CAMSAP1: variants seen among roughly 807,000 people sequenced by gnomAD.
The protein encoded by CAMSAP1 is calmodulin-regulated spectrin-associated protein 1.
A neutral mutation model predicts 143.5 loss-of-function variants in CAMSAP1; 58 were observed. The ratio of observed to expected loss-of-function variants is 0.40; its 90% CI spans 0.33 to 0.50. CAMSAP1 has a LOEUF of 0.50. CAMSAP1 is among the 20% of genes least tolerant of loss of function. The pLI is 0.45. For synonymous variants in CAMSAP1, 945 were observed against 859.3 expected, an observed-to-expected ratio of 1.10 and a Z score of -1.74; for missense variants, 1,969 against 2,115.7, an observed-to-expected ratio of 0.93 and a Z score of 1.36.
chr9:135,837,096 CATT>C (rs1419505525), intron 7 of CAMSAP1, among the ~76,000 whole-genome samples: 12 of 150,696 alleles, frequency 8.0e-5, no homozygotes. Flanking sequence ...ACTTTCTACC[CATT>C]CCAGAGACAC....
intron 7 of CAMSAP1, among the ~76,000 whole-genome samples, chr9:135,833,958 C>G (rs1041110410): frequency 5.3e-5 from 8 of 152,124 alleles, no homozygotes; most frequent in African/African-American, 1.7e-4. Context: ...GCAACTCAAT[C>G]GCAAAAATAC....
chr9:135,811,643 A>T lies in CAMSAP1; in HGVS notation c.4507-32T>A. 6.4e-7 allele frequency: 1 copy of T among 1,553,466 alleles called. No homozygotes were observed. On this transcript the variant is annotated intron_variant, in intron 16 of 16. Coordinates refer to ENST00000389532, the MANE Select transcript of CAMSAP1 (RefSeq NM_015447.4). This position sits in a 1 kb window ranked among gnomAD's most constrained non-coding sequence, Gnocchi z 4.9. Reference sequence around the variant, plus strand: ...AGAGAGAGAAAAGGGGAAGAGACAAACACTTCAGGGCCACTCCAATTGCCA... The same window carrying T: ...AGAGAGAGAAAAGGGGAAGAGACAATCACTTCAGGGCCACTCCAATTGCCA...
intron 1 of CAMSAP1, among the ~76,000 whole-genome samples, chr9:135,898,148 G>A (rs559399090): frequency 1.8e-4 from 28 of 152,256 alleles, no homozygotes; most frequent in African/African-American, 6.0e-4. Flanking sequence ...GGAAGCAGAA[G>A]GGAAGGAGAC....
chr9:135,813,852 C>A (rs1422420964), intron 16 of CAMSAP1, among the ~76,000 whole-genome samples: 1 of 152,234 alleles, frequency 6.6e-6, no homozygotes, highest in African/African-American at 2.4e-5. Context: ...GAGCTCAGGG[C>A]ATCCAGTCTC....
chr9:135,823,368 T>C (rs1588447222), intron 10 of CAMSAP1, 108 bp from the exon 11 acceptor site: 2 of 1,218,374 alleles, frequency 1.6e-6, no homozygotes, highest in Non-Finnish European at 1.1e-6. Flanking sequence ...ACGCCTCTCA[T>C]ATGCAGGAGA....
chr9:135,892,670 G>A (rs1253454187), intron 1 of CAMSAP1, among the ~76,000 whole-genome samples: 1 of 151,804 alleles, frequency 6.6e-6, no homozygotes, highest in Admixed American at 6.6e-5. Flanking sequence ...GGCCAACGTG[G>A]TGAAACCCCG....
At chr9:135,840,783 C>A (rs991742253) in intron 7 of CAMSAP1, among the ~76,000 whole-genome samples, 1 of 152,154 alleles carries the variant, frequency 6.6e-6, no homozygotes, top group Non-Finnish European at 1.5e-5. Context: ...CTCTTCCAGC[C>A]AAGGGAAGCC....
intron 16 of CAMSAP1, among the ~76,000 whole-genome samples, chr9:135,812,382 G>A (rs1343612061): frequency 6.6e-6 from 1 of 152,162 alleles, no homozygotes; most frequent in Non-Finnish European, 1.5e-5. Context: ...AAACCTCAGA[G>A]CATCACGCTA....
intron 1 of CAMSAP1, among the ~76,000 whole-genome samples, chr9:135,900,732 A>G (rs958702793): frequency 6.6e-6 from 1 of 151,936 alleles, no homozygotes; most frequent in Non-Finnish European, 1.5e-5. Context: ...GAGCTCAGGA[A>G]AGCCAGAAAT....
intron 7 of CAMSAP1, among the ~76,000 whole-genome samples, chr9:135,839,279 A>G (rs1451222950): frequency 2.0e-5 from 3 of 152,218 alleles, no homozygotes; most frequent in African/African-American, 7.2e-5. Flanking sequence ...TGCCTGCCAC[A>G]TGCATATGAA....
chr9:135,862,732 C>T, intron 4 of CAMSAP1, 124 bp from the exon 5 acceptor site: 1 of 1,021,208 alleles, frequency 9.8e-7, no homozygotes, highest in East Asian at 2.6e-5. Context: ...AGAACAATTG[C>T]AATAATCTAG....
intron 1 of CAMSAP1, 150 bp downstream of exon 1, chr9:135,906,850 G>A (rs1244688486): frequency 3.0e-6 from 1 of 334,240 alleles, no homozygotes; most frequent in East Asian, 1.7e-4. Context: ...GCGCCGCCAG[G>A]ACCTCGGAGG....
intron 7 of CAMSAP1, among the ~76,000 whole-genome samples, chr9:135,838,802 A>G (rs1230445314): frequency 6.7e-6 from 1 of 149,812 alleles, no homozygotes. Flanking sequence ...ACATGTCATC[A>G]CGCACTTTCT....
At chr9:135,828,172 C>A (rs1331417361) in intron 7 of CAMSAP1, among the ~76,000 whole-genome samples, 2 of 152,256 alleles carry the variant, frequency 1.3e-5, no homozygotes, top group Admixed American at 1.3e-4. Context: ...CCTGCTCACC[C>A]GCCTCTCTCC....
rs560742202 is a variant in CAMSAP1, at chr9:135,820,497, C to T, written c.3822+342G>A. Among the ~76,000 whole-genome samples the T allele has an allele frequency of 2.0e-5, 3 of 151,908 alleles. No homozygotes were observed. Among genetic ancestry groups the T allele is most frequent in the Non-Finnish European group, 4.4e-5 (3 of 68,020 alleles). Reference sequence around the variant, plus strand: ...GCATTCTAACGACGAACGCTTTTTACGCTTTGGGGCAGGACAGGGAGATGA... The same window carrying T: ...GCATTCTAACGACGAACGCTTTTTATGCTTTGGGGCAGGACAGGGAGATGA... On this transcript the variant is annotated intron_variant, in intron 11 of 16. Transcript: ENST00000389532. The surrounding 1 kb of genome is among the most constrained non-coding windows in gnomAD (Gnocchi z 4.4).
rs1248894234 is a variant in CAMSAP1 at position 135,811,773 on chromosome 9, A to C, written c.4507-162T>G. 1.3e-5 allele frequency among the ~76,000 whole-genome samples: 2 copies of C among 152,240 alleles called. No individual in the cohort carries two copies. Among genetic ancestry groups the C allele is most frequent in the Non-Finnish European group, 2.9e-5 (2 of 68,042 alleles). Reference sequence around the variant, plus strand: ...GTAAACAATTACAGCAGACCCCTGTACGGGAGCATTATATGCCATTGAGAC... The same window carrying C: ...GTAAACAATTACAGCAGACCCCTGTCCGGGAGCATTATATGCCATTGAGAC... On this transcript the variant is annotated intron_variant, in intron 16 of 16. Transcript: ENST00000389532. The surrounding 1 kb of genome is among the most constrained non-coding windows in gnomAD (Gnocchi z 4.9).
At chr9:135,903,820 T>C (rs1045574496) in intron 1 of CAMSAP1, among the ~76,000 whole-genome samples, 3 of 152,138 alleles carry the variant, frequency 2.0e-5, no homozygotes, top group Non-Finnish European at 4.4e-5. Flanking sequence ...CATGGAGACA[T>C]TCAAAAGAAG....
rs1165442982 is a variant in CAMSAP1 at position 135,818,995 on chromosome 9, C to CG, written c.3959+14dup. The CG allele has an allele frequency of 1.9e-6, 3 of 1,603,340 alleles. No individual in the cohort carries two copies. Among genetic ancestry groups the CG allele is most frequent in the Non-Finnish European group, 8.5e-7 (1 of 1,178,582 alleles). On this transcript the variant is annotated intron_variant, in intron 12 of 16. Transcript: ENST00000389532. This position sits in a 1 kb window ranked among gnomAD's most constrained non-coding sequence, Gnocchi z 7.7. ...CTCCTGCTCAGTCTGCTTTCCCCCC[C>CG]GGCGGGACGCTTACCGGGCTTCGTC...
Position 135,810,329 on chromosome 9 carries a change from A to C in CAMSAP1, c.*980T>G, listed in dbSNP as rs532175185. 3 of 152,386 alleles carry C rather than the reference A, an allele frequency of 2.0e-5. No individual in the cohort carries two copies. The East Asian group carries it at 5.8e-4, about 29-fold the overall frequency. 9.4% of individuals were successfully genotyped at this position (152,386 alleles called of 1,614,324 possible). On this transcript the variant is annotated 3_prime_UTR_variant, in exon 17 of 17. Coordinates refer to ENST00000389532, the MANE Select transcript of CAMSAP1 (RefSeq NM_015447.4). ...TGCAGCGCTTCCAGATGCAGAATCC[A>C]GACAGGACAAGCCGTGACCTAACAA... is the stretch of plus-strand genomic sequence containing the variant.
Sources: allele counts gnomAD v4.1 joint callset (sites outside exome capture counted in the v4.1 genomes callset), GRCh38; gene constraint gnomAD v4.1.1; non-coding constraint Gnocchi (gnomAD v3.1); transcripts MANE v1.5; gene names NCBI Gene and HGNC (gene_info 2026-07-23, HGNC 2026-07-21).